PDE4A: variants seen among roughly 807,000 people sequenced by gnomAD.
PDE4A encodes phosphodiesterase 4A, also known as 3',5'-cyclic-AMP phosphodiesterase 4A.
Under a neutral mutation model 73.9 loss-of-function variants are expected in PDE4A, and 21 were observed. That is an observed-to-expected ratio of 0.28 (90% CI 0.20 to 0.41). The LOEUF (loss-of-function observed/expected upper bound fraction) is 0.41. Among genes scored for constraint, PDE4A ranks in the 10% least tolerant of loss-of-function variants. PDE4A has a pLI of 1.00. For missense variants in PDE4A, 958 were observed against 1,211.4 expected (o/e 0.79, Z 3.10); for synonymous variants, 463 against 505.4 (o/e 0.92, Z 1.13).
intron 10 of PDE4A, among the ~76,000 whole-genome samples, chr19:10,460,456 G>A (rs1415050906): frequency 1.3e-5 from 2 of 151,550 alleles, no homozygotes; most frequent in African/African-American, 4.8e-5. Context: ...CCAGGATTGC[G>A]CCACTGCACT....
rs140193743 is a variant in PDE4A at position 10,456,592 on chromosome 19, C to T, written c.878-1287C>T. ...ACTAGTCGGGCATGGTGGCGTGTGCCTGTGGTCCCAGCTACCTGGGAGGCT... is the reference window on the plus strand; with the variant it reads ...ACTAGTCGGGCATGGTGGCGTGTGCTTGTGGTCCCAGCTACCTGGGAGGCT... On this transcript the variant is annotated intron_variant, in intron 7 of 14. Transcript: ENST00000380702. Among the ~76,000 whole-genome samples the T allele has an allele frequency of 5.2e-4, 79 of 151,938 alleles. 1 individual carries two copies. The East Asian group carries it at 0.014, about 27-fold the overall frequency.
rs548589543 is a variant in PDE4A at position 10,441,485 on chromosome 19, G to A, written c.321-4733G>A. 4.6e-5 allele frequency among the ~76,000 whole-genome samples: 7 copies of A among 151,788 alleles called. No homozygotes were observed. The South Asian group carries it at 1.5e-3, about 32-fold the overall frequency. On this transcript the variant is annotated intron_variant, in intron 1 of 14. Transcript: ENST00000380702. ...TTGCCCAGGCTGGCCACAAGCTCCT[G>A]GTCTCAAGCCATCCTTCCACCTCAG... is the stretch of plus-strand genomic sequence containing the variant.
Position 10,457,971 on chromosome 19 carries a change from CCCCCTGTACCACACTTACAG to C in PDE4A, c.974_993del (p.Pro325HisfsTer13). 6.2e-7 allele frequency: 1 copy of C among 1,613,908 alleles called. No individual in the cohort carries two copies. Among genetic ancestry groups the C allele is most frequent in the Non-Finnish European group, 8.5e-7 (1 of 1,179,986 alleles). ...ACCAAGACCCTCCCAGCCGCCCCCG[CCCCCTGTACCACACTTACAG>C]CCCATGTCCCAAATCACAGGGTTGA... On this transcript the variant is annotated frameshift_variant, in exon 8 of 15. Transcript: ENST00000380702. LOFTEE classifies it high-confidence loss of function.
At chr19:10,417,599 G>T (rs1042713778), upstream of PDE4A, 3 of 1,515,574 alleles carry the variant, frequency 2.0e-6, no homozygotes, top group Non-Finnish European at 1.8e-6. Context: ...GTGTTCTTGG[G>T]GAGAGGGGCT....
chr19:10,449,357 T>TTTTG lies in PDE4A; in HGVS notation c.620+223_620+226dup, dbSNP rs201924126. Among the ~76,000 whole-genome samples, 796 of 144,698 alleles carry TTTTG rather than the reference T, an allele frequency of 5.5e-3. 14 individuals are homozygous for TTTTG. Among genetic ancestry groups the TTTTG allele is most frequent in the East Asian group, 0.031 (160 of 5,154 alleles). The allele number at this position is 144,698 out of a possible 152,430, so 94.9% of individuals were successfully genotyped here. A position where few individuals can be genotyped will look rare whatever the true frequency, so the allele number is the denominator to read the frequency against. On this transcript the variant is annotated intron_variant, in intron 4 of 14. Coordinates refer to ENST00000380702, the MANE Select transcript of PDE4A (RefSeq NM_001111307.2). ...TTTGTTTGTTTGTTTGTTTTTTGTTTTTTGTTTGTTTGTTTGTTTTGAGAT... is the reference window on the plus strand; with the variant it reads ...TTTGTTTGTTTGTTTGTTTTTTGTTTTTTGTTTGTTTGTTTGTTTGTTTTGAGAT...
At chr19:10,417,037 G>T, upstream of PDE4A, 1 of 1,532,628 alleles carries the variant, frequency 6.5e-7, no homozygotes. Context: ...CGCCCCTTGG[G>T]GGAGACTAGC....
At chr19:10,432,477 G>A (rs1032523985) in intron 1 of PDE4A, 1 of 1,506,540 alleles carries the variant, frequency 6.6e-7, no homozygotes, top group Non-Finnish European at 8.9e-7. Context: ...CCGGCCCCCT[G>A]CCCTGGCACT....
intron 6 of PDE4A, among the ~76,000 whole-genome samples, chr19:10,452,386 G>C (rs1321629711): frequency 1.3e-5 from 2 of 151,436 alleles, no homozygotes; most frequent in Non-Finnish European, 2.9e-5. Flanking sequence ...GTGGTGAGCC[G>C]AGATCGTGCC....
upstream of PDE4A, chr19:10,417,920 T>C: frequency 6.6e-7 from 1 of 1,510,324 alleles, no homozygotes; most frequent in Non-Finnish European, 8.9e-7. Context: ...CAGTGCCAAC[T>C]GGGCTAGGTC....
At position 10,440,899 on chromosome 19, in the gene PDE4A, A is replaced by ATTTTTT. The variant is rs59011127; in HGVS notation, c.321-5306_321-5301dup. Among the ~76,000 whole-genome samples, 116 of 131,358 alleles carry ATTTTTT rather than the reference A, an allele frequency of 8.8e-4. 1 individual carries two copies. Among genetic ancestry groups the ATTTTTT allele is most frequent in the African/African-American group, 3.3e-3 (115 of 35,306 alleles). The allele number at this position is 131,358 out of a possible 152,430, so 86.2% of individuals were successfully genotyped here. Reference sequence around the variant, plus strand: ...AGGCGTGAGCCACCACGCCCAGCCAATTTTTTTTTTTTTTTTTTGGTTGAG... The same window carrying ATTTTTT: ...AGGCGTGAGCCACCACGCCCAGCCAATTTTTTTTTTTTTTTTTTTTTTTTGGTTGAG... On this transcript the variant is annotated intron_variant, in intron 1 of 14. Coordinates refer to ENST00000380702, the MANE Select transcript of PDE4A (RefSeq NM_001111307.2).
At chr19:10,426,682 C>T (rs1005079252) in intron 1 of PDE4A, among the ~76,000 whole-genome samples, 1 of 151,318 alleles carries the variant, frequency 6.6e-6, no homozygotes, top group Non-Finnish European at 1.5e-5. Context: ...ACCAGCCTGG[C>T]CAAAACCTGG....
In PDE4A at chr19:10,420,928, C is replaced by T. The variant is rs1225545987; in HGVS notation, c.164C>T (p.Ala55Val). 2.5e-6 allele frequency: 4 copies of T among 1,578,764 alleles called. No individual in the cohort carries two copies. The highest frequency in any genetic ancestry group is 2.7e-5 in the African/African-American group (2 of 73,520). ...GGCTACTCCGACAGCGCGGAGCGCG[C>T]CGAGCGGGAGCGGCAGCCGCACCGG... ...QRGYSDSAERAERERQPHRPI... is the reference protein window; with the variant it reads ...QRGYSDSAERVERERQPHRPI... The change falls in exon 1 of 15, where the codon GCC (alanine) becomes GTC (valine). Residue 55 changes from alanine to valine, a missense_variant. Coordinates refer to ENST00000380702, the MANE Select transcript of PDE4A (RefSeq NM_001111307.2). The surrounding 1 kb of genome is among the most constrained non-coding windows in gnomAD (Gnocchi z 6.0).
chr19:10,429,086 C>A (rs1308939743), intron 1 of PDE4A: 1 of 147,968 alleles, frequency 6.8e-6, no homozygotes, highest in Non-Finnish European at 1.5e-5. Flanking sequence ...GTCTGGGTGA[C>A]AGTGAGAGAC....
At chr19:10,434,801 G>A (rs1253575701) in intron 1 of PDE4A, among the ~76,000 whole-genome samples, 1 of 151,574 alleles carries the variant, frequency 6.6e-6, no homozygotes, top group East Asian at 1.9e-4. Context: ...ATGTTGGCCA[G>A]GCTGGTCTCG....
At chr19:10,459,147 C>T (rs2145573980) in intron 8 of PDE4A, 2 of 544,970 alleles carry the variant, frequency 3.7e-6, no homozygotes, top group South Asian at 4.7e-5. Flanking sequence ...GTGCCTTCAC[C>T]TGCCAAACGA....
intron 1 of PDE4A, among the ~76,000 whole-genome samples, chr19:10,440,025 C>T (rs1343207687): frequency 1.6e-5 from 2 of 128,908 alleles, no homozygotes; most frequent in East Asian, 2.6e-4. Context: ...TGCTTTGTCA[C>T]CCAGGCTGGA....
At position 10,457,663 on chromosome 19, in the gene PDE4A, C is replaced by T. The variant is rs540047518; in HGVS notation, c.878-216C>T. On this transcript the variant is annotated intron_variant, in intron 7 of 14. Transcript: ENST00000380702. ...TCTGATGATCAGACCGGGGCCATCC[C>T]AGAGCCCTGGGCCCCCACTCCAGCC... is the stretch of plus-strand genomic sequence containing the variant. 1.9e-3 allele frequency: 756 copies of T among 389,552 alleles called. 5 individuals carry two copies. Among genetic ancestry groups the T allele is most frequent in the African/African-American group, 0.016 (728 of 45,286 alleles). The allele number at this position is 389,552 out of a possible 1,614,324, so 24.1% of individuals were successfully genotyped here. A position where few individuals can be genotyped will look rare whatever the true frequency, so the allele number is the denominator to read the frequency against.
At chr19:10,462,335 G>A (rs996116340) in intron 13 of PDE4A, among the ~76,000 whole-genome samples, 3 of 151,910 alleles carry the variant, frequency 2.0e-5, no homozygotes, top group Non-Finnish European at 4.4e-5. Flanking sequence ...TGTACTTTTA[G>A]TAGAGAGGGT....
At chr19:10,439,923 G>C (rs1029931582) in intron 1 of PDE4A, among the ~76,000 whole-genome samples, 1 of 150,780 alleles carries the variant, frequency 6.6e-6, no homozygotes, top group African/African-American at 2.4e-5. Flanking sequence ...GGAACCCTAA[G>C]ATCTTCAAAA....
Sources: allele counts gnomAD v4.1 joint callset (sites outside exome capture counted in the v4.1 genomes callset), GRCh38; gene constraint gnomAD v4.1.1; non-coding constraint Gnocchi (gnomAD v3.1); transcripts MANE v1.5; gene names NCBI Gene and HGNC (gene_info 2026-07-23, HGNC 2026-07-21).